Variants in SEMA5A observed in about 807,000 individuals in gnomAD.
The protein encoded by SEMA5A is semaphorin-5A.
A neutral mutation model predicts 135.5 loss-of-function variants in SEMA5A; 55 were observed. The ratio of observed to expected loss-of-function variants is 0.41; its 90% CI spans 0.33 to 0.51. The LOEUF (loss-of-function observed/expected upper bound fraction) is 0.51, where lower values mean the gene tolerates loss of function less well. Among genes scored for constraint, SEMA5A ranks in the 20% least tolerant of loss-of-function variants. The pLI, the probability that SEMA5A is intolerant of heterozygous loss-of-function variation, is 0.37. For synonymous variants in SEMA5A, 580 were observed against 546.5 expected (o/e 1.06, Z -0.85); for missense variants, 1,290 against 1,419.9 (o/e 0.91, Z 1.47).
At chr5:9,472,100 CTCTTCA>C (rs1482194902) in intron 1 of SEMA5A, among the ~76,000 whole-genome samples, 16 of 152,214 alleles carry the variant, frequency 1.1e-4, no homozygotes, top group Admixed American at 7.9e-4. Flanking sequence ...CACCCATTAA[CTCTTCA>C]TTTAACATTA....
At chr5:9,192,959 C>A (rs117233352) in intron 10 of SEMA5A, among the ~76,000 whole-genome samples, 1 of 151,946 alleles carries the variant, frequency 6.6e-6, no homozygotes, top group African/African-American at 2.4e-5. Context: ...AAATTGGACA[C>A]CTAACAGGGA....
chr5:9,224,664 GA>G lies in SEMA5A; in HGVS notation c.646+9del. 6.2e-7 allele frequency: 1 copy of G among 1,613,302 alleles called. No homozygotes were observed. Among genetic ancestry groups the G allele is most frequent in the Non-Finnish European group, 8.5e-7 (1 of 1,179,260 alleles). ...ATGAGGTGAGAAAGAGGGAGTGACG[GA>G]AGGCTTACCATTGAGCCATTTGGAG... On this transcript the variant is annotated intron_variant, in intron 8 of 22. Coordinates refer to ENST00000382496, the MANE Select transcript of SEMA5A (RefSeq NM_003966.3).
At chr5:9,535,836 CCCACGGGCAGATG>C (rs1481297550) in intron 1 of SEMA5A, among the ~76,000 whole-genome samples, 1 of 152,136 alleles carries the variant, frequency 6.6e-6, no homozygotes, top group Non-Finnish European at 1.5e-5. Flanking sequence ...AGAGAGTTAC[CCCACGGGCAGATG>C]CTGGATCTTC....
rs575624145 is a variant in SEMA5A at position 9,067,802 on chromosome 5, C to T, written c.2074-1156G>A. Reference sequence around the variant, plus strand: ...ATCTCTTATCTTTTGGATGTAAACTCATTTATCCATTTTCACGTTTCTCAT... The same window carrying T: ...ATCTCTTATCTTTTGGATGTAAACTTATTTATCCATTTTCACGTTTCTCAT... On this transcript the variant is annotated intron_variant, in intron 16 of 22. Coordinates refer to ENST00000382496, the MANE Select transcript of SEMA5A (RefSeq NM_003966.3). 3.9e-5 allele frequency among the ~76,000 whole-genome samples: 6 copies of T among 152,242 alleles called. No individual in the cohort carries two copies. In the South Asian group the frequency reaches 1.2e-3, roughly 32 times the overall value.
intron 3 of SEMA5A, among the ~76,000 whole-genome samples, chr5:9,347,235 A>G (rs1753916303): frequency 6.6e-6 from 1 of 152,188 alleles, no homozygotes; most frequent in Non-Finnish European, 1.5e-5. Flanking sequence ...TCTGGTTTCT[A>G]TTGCAGTCTG....
chr5:9,071,255 T>G (rs1737752556), intron 16 of SEMA5A, among the ~76,000 whole-genome samples: 1 of 152,204 alleles, frequency 6.6e-6, no homozygotes. Flanking sequence ...CCCTTACTTC[T>G]ATGCCAAGTA....
intron 1 of SEMA5A, among the ~76,000 whole-genome samples, chr5:9,503,835 G>C (rs1735716433): frequency 6.6e-6 from 1 of 152,214 alleles, no homozygotes; most frequent in South Asian, 2.1e-4. Flanking sequence ...CATCATTTAA[G>C]TCAATAAATG....
At chr5:9,244,813 C>G (rs1040958033) in intron 5 of SEMA5A, among the ~76,000 whole-genome samples, 1 of 152,172 alleles carries the variant, frequency 6.6e-6, no homozygotes, top group Non-Finnish European at 1.5e-5. Context: ...GTTGGGTGAG[C>G]CTACCACGTG....
intron 2 of SEMA5A, among the ~76,000 whole-genome samples, chr5:9,404,164 C>A (rs527856125): frequency 1.6e-4 from 25 of 152,024 alleles, no homozygotes; most frequent in African/African-American, 5.3e-4. Context: ...GAACTCCTGA[C>A]CTCAGGTGAT....
At chr5:9,278,125 A>C (rs1750358716) in intron 5 of SEMA5A, among the ~76,000 whole-genome samples, 2 of 151,628 alleles carry the variant, frequency 1.3e-5, no homozygotes, top group Admixed American at 1.3e-4. Flanking sequence ...AAAAAAAAAA[A>C]AAAGAAGTCC....
At chr5:9,508,279 G>A (rs190474736) in intron 1 of SEMA5A, among the ~76,000 whole-genome samples, 1 of 152,190 alleles carries the variant, frequency 6.6e-6, no homozygotes, top group African/African-American at 2.4e-5. Flanking sequence ...TCTTCCTCAT[G>A]AAGCCCCCAC....
intron 15 of SEMA5A, among the ~76,000 whole-genome samples, chr5:9,110,278 T>C (rs1407027143): frequency 1.3e-5 from 2 of 152,178 alleles, no homozygotes; most frequent in Non-Finnish European, 2.9e-5. Flanking sequence ...GGCAGACTCA[T>C]CTCCAGGAGT....
At position 9,483,207 on chromosome 5, in the gene SEMA5A, CT is replaced by C. The variant is rs1412087975; in HGVS notation, c.-174-45356del. Among the ~76,000 whole-genome samples the C allele has an allele frequency of 2.6e-5, 4 of 152,212 alleles. No individual in the cohort carries two copies. In the East Asian group the frequency reaches 7.7e-4, roughly 29 times the overall value. On this transcript the variant is annotated intron_variant, in intron 1 of 22. Coordinates refer to ENST00000382496, the MANE Select transcript of SEMA5A (RefSeq NM_003966.3). ...CTCTCATTTTCTCTCCCATAATGTT[CT>C]GTCTTTGGGGCTGTCTCCAACCCTT... is the stretch of plus-strand genomic sequence containing the variant.
chr5:9,435,367 T>C (rs577349326), intron 2 of SEMA5A, among the ~76,000 whole-genome samples: 10 of 152,076 alleles, frequency 6.6e-5, no homozygotes, highest in Admixed American at 2.0e-4. Context: ...TAACAAAATG[T>C]CAAGAAAATA....
At chr5:9,267,045 C>T (rs771560823) in intron 5 of SEMA5A, among the ~76,000 whole-genome samples, 2 of 152,174 alleles carry the variant, frequency 1.3e-5, no homozygotes, top group Non-Finnish European at 2.9e-5. Context: ...CCTTACAGAG[C>T]TCTGCCCAGC....
At chr5:9,353,339 A>AAAGGG (rs1754285733) in intron 3 of SEMA5A, among the ~76,000 whole-genome samples, 2 of 107,514 alleles carry the variant, frequency 1.9e-5, no homozygotes, top group Non-Finnish European at 4.2e-5. Context: ...AAAGGAAATG[A>AAAGGG]AAGGAAAGGA....
chr5:9,174,768 T>C (rs190607425), intron 11 of SEMA5A, among the ~76,000 whole-genome samples: 73 of 152,350 alleles, frequency 4.8e-4, no homozygotes, highest in African/African-American at 1.7e-3. Context: ...CTTCTATGAT[T>C]AGCTGTGCTT....
chr5:9,303,496 T>C lies in SEMA5A; in HGVS notation c.270+14876A>G, dbSNP rs375690067. On this transcript the variant is annotated intron_variant, in intron 5 of 22. Transcript: ENST00000382496. Reference sequence around the variant, plus strand: ...CTAAAAACTTCCCAAAAGATACCATTAATTTTTTTTAAGTTTACACACATA... The same window carrying C: ...CTAAAAACTTCCCAAAAGATACCATCAATTTTTTTTAAGTTTACACACATA... 4.2e-4 allele frequency among the ~76,000 whole-genome samples: 64 copies of C among 152,280 alleles called. 1 individual carries two copies. The East Asian group carries it at 8.7e-3, about 21-fold the overall frequency.
At chr5:9,371,491 G>T (rs552368336) in intron 3 of SEMA5A, among the ~76,000 whole-genome samples, 7 of 152,228 alleles carry the variant, frequency 4.6e-5, no homozygotes, top group Non-Finnish European at 1.0e-4. Context: ...TACATACCTA[G>T]ATTATAGAAT....
Sources: gnomAD v4.1 joint callset for allele counts (sites outside exome capture counted in the v4.1 genomes callset) on GRCh38, gnomAD v4.1.1 for gene constraint, MANE v1.5 for transcripts, NCBI Gene and HGNC (gene_info 2026-07-23, HGNC 2026-07-21) for gene names.